CYB5R3: variants seen among roughly 807,000 people sequenced by gnomAD.
CYB5R3 encodes the protein NADH-cytochrome b5 reductase 3.
CYB5R3 carries 28 observed loss-of-function variants against 36.5 expected under a neutral mutation model. The observed-to-expected ratio is 0.77, with a 90% confidence interval of 0.57 to 1.05. The LOEUF is 1.05. Ranked by LOEUF, CYB5R3 falls within the 50% of genes least tolerant of loss-of-function variation. The pLI, the probability that CYB5R3 is intolerant of heterozygous loss-of-function variation, is 0.00. For synonymous variants in CYB5R3, 181 were observed against 159.8 expected (o/e 1.13, Z -1.00); for missense variants, 474 against 408.9 (o/e 1.16, Z -1.37).
intron 1 of CYB5R3, among the ~76,000 whole-genome samples, chr22:42,641,931 G>C (rs1929295602): frequency 6.6e-6 from 1 of 152,072 alleles, no homozygotes; most frequent in Non-Finnish European, 1.5e-5. Flanking sequence ...GCCTATACGT[G>C]GACTGTCAAC....
intron 1 of CYB5R3, among the ~76,000 whole-genome samples, chr22:42,648,277 ATAGAGG>A (rs8190375): frequency 0.63 from 96,215 of 151,814 alleles, 30,723 homozygotes; most frequent in East Asian, 0.88. Flanking sequence ...GATGCCAGGC[ATAGAGG>A]TAGAGGTGGA....
rs8190458 is a variant in CYB5R3, at chr22:42,624,161, C to T, written c.634-273G>A. Among the ~76,000 whole-genome samples, 3,101 of 152,298 alleles carry T rather than the reference C, an allele frequency of 0.02. 96 individuals carry two copies. The highest frequency in any genetic ancestry group is 0.071 in the African/African-American group (2,940 of 41,550). On this transcript the variant is annotated intron_variant, in intron 7 of 8. Transcript: ENST00000352397. ...TGTTGTGAGGAAATGGGCTCGATGTCCCGAGAGTGGGAAAAATGGAAAAAA... is the reference window on the plus strand; with the variant it reads ...TGTTGTGAGGAAATGGGCTCGATGTTCCGAGAGTGGGAAAAATGGAAAAAA...
chr22:42,640,179 G>C (rs1316872667), intron 1 of CYB5R3: 2 of 1,612,148 alleles, frequency 1.2e-6, no homozygotes, highest in South Asian at 1.1e-5. Flanking sequence ...CCGTGGTGTA[G>C]TACCAAAATG....
rs1928397782 is a variant in CYB5R3, at chr22:42,628,178, C to G, written c.437G>C (p.Ser146Thr). Residue 146 changes from serine (S) to threonine (T), a missense_variant, in exon 5 of 9, where the codon AGT becomes ACT. Ser to Thr is a moderately conservative substitution (Grantham distance 58). Coordinates refer to ENST00000352397, the MANE Select transcript of CYB5R3 (RefSeq NM_000398.7). ...IGDTIEFRGP[S>T]GLLVYQGKGK... ...TTTGCCCTGGTAGACCAGCAGCCCA[C>G]TGGGGCCCCGGAACTCAATGGTGTC... is the stretch of plus-strand genomic sequence containing the variant. The G allele has an allele frequency of 4.3e-6, 7 of 1,614,136 alleles. No individual in the cohort carries two copies. The highest frequency in any genetic ancestry group is 1.6e-4 in the Middle Eastern group (1 of 6,062).
intron 1 of CYB5R3, among the ~76,000 whole-genome samples, chr22:42,647,276 A>T (rs1049466351): frequency 6.6e-5 from 10 of 152,182 alleles, no homozygotes; most frequent in Non-Finnish European, 1.5e-5. Context: ...ACTCCCAGGC[A>T]GTGCTCTGCC....
intron 1 of CYB5R3, among the ~76,000 whole-genome samples, chr22:42,646,311 C>T (rs1262482744): frequency 6.6e-6 from 1 of 152,208 alleles, no homozygotes; most frequent in Non-Finnish European, 1.5e-5. Flanking sequence ...AAGCCATGCT[C>T]TGCCCCACCA....
rs1929664210 is a variant in CYB5R3 at position 42,649,349 on chromosome 22, C to T, written c.-34G>A. On this transcript the variant is annotated 5_prime_UTR_variant, in exon 1 of 9. Coordinates refer to ENST00000352397, the MANE Select transcript of CYB5R3 (RefSeq NM_000398.7). The stretch of plus-strand genomic sequence containing the variant: ...CGCGCCGCGCTCGCTCTGTCGCCGC[C>T]GCCGCCGCCGCCGAGACCGTCGCGC... 1 of 896,006 alleles carries T rather than the reference C, an allele frequency of 1.1e-6. No individual in the cohort carries two copies. Among genetic ancestry groups the T allele is most frequent in the Non-Finnish European group, 1.4e-6 (1 of 733,574 alleles). 55.5% of individuals were successfully genotyped at this position (896,006 alleles called of 1,614,324 possible).
rs1188536136 is a variant in CYB5R3, at chr22:42,644,692, TAG to T, written c.21+4601_21+4602del. 9.1e-6 allele frequency: 9 copies of T among 984,460 alleles called. No homozygotes were observed. In the East Asian group the frequency reaches 1.0e-3, roughly 112 times the overall value. The allele number at this position is 984,460 out of a possible 1,614,324, so 61.0% of individuals were successfully genotyped here. A position where few individuals can be genotyped will look rare whatever the true frequency, so the allele number is the denominator to read the frequency against. ...TCACAGAAACCACGCCCACGTGGAA[TAG>T]AGTCTAGGGAAAAAGTTGGCCGAAG... On this transcript the variant is annotated intron_variant, in intron 1 of 8. Transcript: ENST00000352397.
Position 42,619,513 on chromosome 22 carries a change from G to T in CYB5R3, c.*260C>A, listed in dbSNP as rs1419904325. On this transcript the variant is annotated 3_prime_UTR_variant, in exon 9 of 9. Coordinates refer to ENST00000352397, the MANE Select transcript of CYB5R3 (RefSeq NM_000398.7). Reference sequence around the variant, plus strand: ...GGGTGGACGAGGGGTCATGAGGACAGGGATGGGGCTGGGCGTCTCTGGTAA... The same window carrying T: ...GGGTGGACGAGGGGTCATGAGGACATGGATGGGGCTGGGCGTCTCTGGTAA... 9.0e-6 allele frequency: 5 copies of T among 552,716 alleles called. No homozygotes were observed. Among genetic ancestry groups the T allele is most frequent in the African/African-American group, 1.9e-5 (1 of 52,798 alleles). The allele number at this position is 552,716 out of a possible 1,614,324, so 34.2% of individuals were successfully genotyped here. A position where few individuals can be genotyped will look rare whatever the true frequency, so the allele number is the denominator to read the frequency against.
At chr22:42,640,024 G>A (rs757063209) in intron 1 of CYB5R3, 26 of 1,613,316 alleles carry the variant, frequency 1.6e-5, no homozygotes, top group Middle Eastern at 3.3e-4. Context: ...AAACCACGTC[G>A]ACACCTCAGT....
intron 8 of CYB5R3, among the ~76,000 whole-genome samples, chr22:42,621,183 AGTGTGTGTGTGTGTGT>A (rs61564405): frequency 2.7e-5 from 4 of 147,718 alleles, no homozygotes; most frequent in South Asian, 2.2e-4. Flanking sequence ...ATTTCTTTTT[AGTGTGTGTGTGTGTGT>A]GTGTGTGTGT....
chr22:42,638,728 T>TAAAAA lies in CYB5R3; in HGVS notation c.22-1887_22-1883dup, dbSNP rs67349863. On this transcript the variant is annotated intron_variant, in intron 1 of 8. Coordinates refer to ENST00000352397, the MANE Select transcript of CYB5R3 (RefSeq NM_000398.7). ...GCCTGGGAGACAGAGCAAGACTCCA[T>TAAAAA]AAAAAAAAAAAAAAAAAAAAAAGGC... is the stretch of plus-strand genomic sequence containing the variant. 8.2e-4 allele frequency among the ~76,000 whole-genome samples: 39 copies of TAAAAA among 47,514 alleles called. 2 individuals carry two copies. Among genetic ancestry groups the TAAAAA allele is most frequent in the African/African-American group, 1.8e-3 (16 of 9,106 alleles). 31.2% of individuals were successfully genotyped at this position (47,514 alleles called of 152,430 possible).
chr22:42,628,007 G>C (rs527704776), intron 5 of CYB5R3, 145 bp downstream of exon 5: 431 of 1,206,462 alleles, frequency 3.6e-4, no homozygotes, highest in Non-Finnish European at 4.8e-4. Flanking sequence ...CAGCCAGGGA[G>C]ACTCAGTTCC....
chr22:42,637,720 C>T (rs148231312), intron 1 of CYB5R3, among the ~76,000 whole-genome samples: 260 of 152,308 alleles, frequency 1.7e-3, no homozygotes, highest in South Asian at 3.7e-3. Flanking sequence ...GCACGGCTCT[C>T]GCAGCAACCC....
rs1927788285 is a variant in CYB5R3, at chr22:42,618,895, T to C, written c.*878A>G. On this transcript the variant is annotated 3_prime_UTR_variant, in exon 9 of 9. Transcript: ENST00000352397. Reference sequence around the variant, plus strand: ...CCAATACGCAAGAGGCTAACACAACTGTAGTCTAAAGGCAACGTCGAGGTC... The same window carrying C: ...CCAATACGCAAGAGGCTAACACAACCGTAGTCTAAAGGCAACGTCGAGGTC... 1.3e-5 allele frequency: 2 copies of C among 151,936 alleles called. No homozygotes were observed. Among genetic ancestry groups the C allele is most frequent in the South Asian group, 4.1e-4 (2 of 4,828 alleles). The allele number at this position is 151,936 out of a possible 1,614,324, so 9.4% of individuals were successfully genotyped here.
chr22:42,627,759 G>T, intron 5 of CYB5R3, 71 bp from the exon 6 acceptor site: 1 of 1,213,608 alleles, frequency 8.2e-7, no homozygotes, highest in South Asian at 1.2e-5. Context: ...GGCTGGAGAG[G>T]GGGCTGGAGA....
intron 4 of CYB5R3, among the ~76,000 whole-genome samples, chr22:42,628,764 G>A (rs1928446165): frequency 6.6e-6 from 1 of 152,220 alleles, no homozygotes; most frequent in African/African-American, 2.4e-5. Context: ...TCTTGGGAAA[G>A]AGAAGGGCCT....
At chr22:42,642,076 A>T (rs1195102685) in intron 1 of CYB5R3, among the ~76,000 whole-genome samples, 2 of 152,218 alleles carry the variant, frequency 1.3e-5, no homozygotes, top group East Asian at 3.9e-4. Flanking sequence ...GTAGCAAATA[A>T]TAACATTAGG....
intron 1 of CYB5R3, chr22:42,646,963 A>G: frequency 1.0e-6 from 1 of 985,518 alleles, no homozygotes; most frequent in Non-Finnish European, 1.2e-6. Flanking sequence ...ATGGCAGACC[A>G]AGCTCCAATG....
Sources: gnomAD v4.1 joint callset for allele counts (sites outside exome capture counted in the v4.1 genomes callset) on GRCh38, gnomAD v4.1.1 for gene constraint, MANE v1.5 for transcripts, NCBI Gene and HGNC (gene_info 2026-07-23, HGNC 2026-07-21) for gene names.